SLC9A2: variants seen among roughly 807,000 people sequenced by gnomAD.
SLC9A2 encodes the protein sodium/hydrogen exchanger 2.
In SLC9A2, 42 loss-of-function variants were observed where a neutral mutation model predicts 71.7. The ratio of observed to expected loss-of-function variants is 0.59; its 90% CI spans 0.46 to 0.76. SLC9A2 has a LOEUF of 0.76. SLC9A2 is among the 30% of genes least tolerant of loss of function. The probability of loss-of-function intolerance (pLI) is 0.00; values close to 1 mark genes in which losing one functional copy is unlikely to be tolerated. For synonymous variants in SLC9A2, 396 were observed against 392.5 expected, an observed-to-expected ratio of 1.01 and a Z score of -0.10; for missense variants, 829 against 1,017.4, an observed-to-expected ratio of 0.81 and a Z score of 2.52.
At chr2:102,621,376 A>G (rs1010501763) in intron 1 of SLC9A2, among the ~76,000 whole-genome samples, 1 of 150,294 alleles carries the variant, frequency 6.7e-6, no homozygotes, top group Admixed American at 6.6e-5. Flanking sequence ...AAAAAAAATT[A>G]CCCACTTTCA....
At position 102,708,147 on chromosome 2, in the gene SLC9A2, T is replaced by A. The variant is rs776748264; in HGVS notation, c.2097T>A (p.Asp699Glu). ...ADGNSSDSDA[D>E]AGTTVLNLQP... The stretch of plus-strand genomic sequence containing the variant: ...GCAATAGCAGCGACTCAGACGCAGA[T>A]GCCGGGACCACCGTGCTCAATTTGC... The change falls in exon 12 of 12, where the codon GAT (aspartate) becomes GAA (glutamate). Residue 699 changes from aspartate to glutamate, a missense_variant. This residue lies in a region of SLC9A2 where 223 missense variants were observed against 197.5 expected (regional missense o/e 1.13). Transcript: ENST00000233969. 1 of 1,613,764 alleles carries A rather than the reference T, an allele frequency of 6.2e-7. No homozygotes were observed. The highest frequency in any genetic ancestry group is 8.5e-7 in the Non-Finnish European group (1 of 1,179,858).
intron 5 of SLC9A2, among the ~76,000 whole-genome samples, chr2:102,693,399 T>A (rs868085729): frequency 4.6e-5 from 7 of 152,318 alleles, no homozygotes; most frequent in Middle Eastern, 6.8e-3. Flanking sequence ...AGACAGAGCA[T>A]CCTTGTGTTA....
At chr2:102,645,929 T>A (rs1310294331) in intron 1 of SLC9A2, among the ~76,000 whole-genome samples, 1 of 152,058 alleles carries the variant, frequency 6.6e-6, no homozygotes, top group African/African-American at 2.4e-5. Context: ...CAGGCCAGCA[T>A]TCAAATTCAG....
chr2:102,674,473 T>G (rs1677313892), intron 3 of SLC9A2, among the ~76,000 whole-genome samples: 1 of 152,226 alleles, frequency 6.6e-6, no homozygotes, highest in Non-Finnish European at 1.5e-5. Context: ...TACTCACTCC[T>G]GCTGCTGCCA....
intron 1 of SLC9A2, among the ~76,000 whole-genome samples, chr2:102,654,195 CTTTTTTTTT>C (rs34248413): frequency 3.4e-5 from 3 of 89,528 alleles, no homozygotes; most frequent in Non-Finnish European, 6.2e-5. Flanking sequence ...TTGGCTGACT[CTTTTTTTTT>C]TTTTTTTTTT....
At chr2:102,690,986 A>G (rs1304912873) in intron 5 of SLC9A2, among the ~76,000 whole-genome samples, 1 of 148,772 alleles carries the variant, frequency 6.7e-6, no homozygotes, top group Non-Finnish European at 1.5e-5. Context: ...AAAAAAAAAA[A>G]AGATGAAAAG....
chr2:102,650,327 GGTGGGGGGCAAGA>G (rs1378744558), intron 1 of SLC9A2, among the ~76,000 whole-genome samples: 1 of 152,036 alleles, frequency 6.6e-6, no homozygotes, highest in Non-Finnish European at 1.5e-5. Context: ...CTGTTGGTGG[GGTGGGGGGCAAGA>G]GGAGGGAGAG....
rs908829563 is a variant in SLC9A2 at position 102,678,855 on chromosome 2, T to A, written c.1005-4406T>A. ...GACCTGGCGGAGTGGGCAGAGATGG[T>A]TTCATTCTTTCTATCCCTAAGAGGC... On this transcript the variant is annotated intron_variant, in intron 3 of 11. Coordinates refer to ENST00000233969, the MANE Select transcript of SLC9A2 (RefSeq NM_003048.6). 7.9e-5 allele frequency among the ~76,000 whole-genome samples: 12 copies of A among 152,232 alleles called. No homozygotes were observed. The East Asian group carries it at 2.3e-3, about 29-fold the overall frequency.
intron 3 of SLC9A2, among the ~76,000 whole-genome samples, chr2:102,677,540 C>G (rs1369847960): frequency 6.6e-6 from 1 of 152,190 alleles, no homozygotes; most frequent in Non-Finnish European, 1.5e-5. Flanking sequence ...CATCTCCACT[C>G]TGTCCTACAG....
chr2:102,687,138 T>C (rs1441136172), intron 5 of SLC9A2, among the ~76,000 whole-genome samples: 1 of 152,196 alleles, frequency 6.6e-6, no homozygotes, highest in African/African-American at 2.4e-5. Flanking sequence ...GTTCCACTTG[T>C]GTTGATATCT....
chr2:102,624,038 T>G (rs1676195781), intron 1 of SLC9A2, among the ~76,000 whole-genome samples: 1 of 152,138 alleles, frequency 6.6e-6, no homozygotes, highest in Non-Finnish European at 1.5e-5. Context: ...TTACACTTGA[T>G]TATCAGGGAA....
intron 1 of SLC9A2, among the ~76,000 whole-genome samples, chr2:102,656,359 GCT>G (rs1676943539): frequency 6.6e-6 from 1 of 152,126 alleles, no homozygotes; most frequent in South Asian, 2.1e-4. Context: ...CCCCTTTATG[GCT>G]CTGTTTAATG....
chr2:102,692,281 A>G (rs1384988496), intron 5 of SLC9A2, among the ~76,000 whole-genome samples: 2 of 152,236 alleles, frequency 1.3e-5, no homozygotes, highest in Non-Finnish European at 2.9e-5. Flanking sequence ...TTAAGCTGAA[A>G]AATGCCCAGA....
intron 5 of SLC9A2, among the ~76,000 whole-genome samples, chr2:102,689,223 T>C (rs893030351): frequency 3.3e-5 from 5 of 152,188 alleles, no homozygotes; most frequent in African/African-American, 9.7e-5. Flanking sequence ...TGTCTGCCCA[T>C]GTCATGGGCT....
chr2:102,643,910 C>CTT (rs11301515), intron 1 of SLC9A2, among the ~76,000 whole-genome samples: 21 of 146,458 alleles, frequency 1.4e-4, no homozygotes, highest in South Asian at 8.6e-4. Context: ...CATTTTCTTA[C>CTT]TTTTTTTTTT....
chr2:102,643,292 A>G (rs1006903325), intron 1 of SLC9A2, among the ~76,000 whole-genome samples: 12 of 152,108 alleles, frequency 7.9e-5, no homozygotes, highest in Non-Finnish European at 1.3e-4. Context: ...CACCACCCCA[A>G]TAGAAAAGCC....
Position 102,657,733 on chromosome 2 carries a change from C to T in SLC9A2, c.459C>T (p.Ala153=), listed in dbSNP as rs200268302. The T allele has an allele frequency of 1.8e-5, 29 of 1,614,072 alleles. No homozygotes were observed. The highest frequency in any genetic ancestry group is 8.0e-5 in the African/African-American group (6 of 74,922). The part of the protein sequence containing the change: ...LYLLPPIVLD[A]GYFMPTRPFF... ...TCCTCCCACCCATCGTGCTGGATGC[C>T]GGCTATTTCATGCCCACTCGCCCAT... Residue 153 remains alanine (A), a synonymous_variant, in exon 2 of 12, where the codon GCC becomes GCT. Transcript: ENST00000233969.
In SLC9A2 at chr2:102,704,540, C is replaced by T. The variant is rs1677935990; in HGVS notation, c.1846-4C>T. On this transcript the variant is annotated splice_region_variant and splice_polypyrimidine_tract_variant and intron_variant, in intron 9 of 11. Transcript: ENST00000233969. Reference sequence around the variant, plus strand: ...TTAATGTCCTCTATATGTTTTCATTCCAGACTTTATCCTACAACAGACACA... The same window carrying T: ...TTAATGTCCTCTATATGTTTTCATTTCAGACTTTATCCTACAACAGACACA... The T allele has an allele frequency of 6.2e-7, 1 of 1,611,284 alleles. No homozygotes were observed.
chr2:102,632,043 C>CAT (rs1464047705), intron 1 of SLC9A2, among the ~76,000 whole-genome samples: 1 of 91,936 alleles, frequency 1.1e-5, no homozygotes, highest in African/African-American at 7.7e-5. Context: ...TATATACATA[C>CAT]ACACACACAT....
Sources: allele counts gnomAD v4.1 joint callset (sites outside exome capture counted in the v4.1 genomes callset), GRCh38; gene constraint gnomAD v4.1.1; regional missense constraint gnomAD v4.1.1; transcripts MANE v1.5; gene names NCBI Gene and HGNC (gene_info 2026-07-23, HGNC 2026-07-21).